The following DSCAM variants were observed in gnomAD, a reference collection of about 807,000 sequenced individuals.
DSCAM encodes DS cell adhesion molecule, also known as cell adhesion molecule DSCAM.
Under a neutral mutation model 217.7 loss-of-function variants are expected in DSCAM, and 47 were observed. The observed-to-expected ratio is 0.22, with a 90% CI of 0.17 to 0.28. DSCAM has a LOEUF of 0.28. Among genes scored for constraint, DSCAM ranks in the 10% least tolerant of loss-of-function variants. DSCAM has a pLI of 1.00. For missense variants in DSCAM, 2,080 were observed against 2,618.3 expected (o/e 0.79, Z 4.49); for synonymous variants, 1,056 against 1,015.3 (o/e 1.04, Z -0.76).
At chr21:40,695,185 G>A (rs2090582899) in intron 2 of DSCAM, among the ~76,000 whole-genome samples, 1 of 152,144 alleles carries the variant, frequency 6.6e-6, no homozygotes, top group African/African-American at 2.4e-5. Context: ...CAAGTTCCAT[G>A]TATCAGACAG....
At chr21:40,625,541 C>T (rs2089588717) in intron 3 of DSCAM, among the ~76,000 whole-genome samples, 1 of 152,106 alleles carries the variant, frequency 6.6e-6, no homozygotes, top group Non-Finnish European at 1.5e-5. Context: ...AAGCCCTCAT[C>T]CTAAACTTGC....
intron 16 of DSCAM, among the ~76,000 whole-genome samples, chr21:40,155,627 C>T (rs909015257): frequency 9.2e-5 from 14 of 152,022 alleles, no homozygotes; most frequent in African/African-American, 2.7e-4. Flanking sequence ...GAAAAATGCT[C>T]GGAAGTAGTT....
Position 40,702,322 on chromosome 21 carries a change from A to G in DSCAM, c.361+6132T>C, listed in dbSNP as rs889485282. Among the ~76,000 whole-genome samples, 9 of 152,198 alleles carry G rather than the reference A, an allele frequency of 5.9e-5. 1 individual carries two copies. The highest frequency in any genetic ancestry group is 4.6e-4 in the Admixed American group (7 of 15,286). On this transcript the variant is annotated intron_variant, in intron 2 of 32. Coordinates refer to ENST00000400454, the MANE Select transcript of DSCAM (RefSeq NM_001389.5). ...GAACTATGGACTTCAGTTAATAATAATGTATAAATACGAGCTTATTGTCAC... is the reference window on the plus strand; with the variant it reads ...GAACTATGGACTTCAGTTAATAATAGTGTATAAATACGAGCTTATTGTCAC...
At chr21:40,808,944 G>A (rs981784896) in intron 1 of DSCAM, among the ~76,000 whole-genome samples, 4 of 152,080 alleles carry the variant, frequency 2.6e-5, no homozygotes, top group Non-Finnish European at 4.4e-5. Flanking sequence ...CTTAACCTGC[G>A]CCTAGCATCT....
intron 3 of DSCAM, among the ~76,000 whole-genome samples, chr21:40,498,758 GGTGTATATATATATATGGGT>G (rs1568855212): frequency 1.3e-3 from 13 of 9,772 alleles, no homozygotes; most frequent in African/African-American, 4.6e-3. Context: ...TATATATATG[GGTGTATATATATATATGGGT>G]GTGTATATAT....
intron 3 of DSCAM, among the ~76,000 whole-genome samples, chr21:40,460,734 G>A (rs1010606161): frequency 1.3e-5 from 2 of 152,070 alleles, no homozygotes; most frequent in African/African-American, 4.8e-5. Flanking sequence ...TCAAAAGAGA[G>A]ATGCAAATAA....
chr21:40,012,965 T>TA lies in DSCAM; in HGVS notation c.*68dup, dbSNP rs1043986664. 788 of 1,157,094 alleles carry TA rather than the reference T, an allele frequency of 6.8e-4. No individual in the cohort carries two copies. Among genetic ancestry groups the TA allele is most frequent in the Non-Finnish European group, 7.9e-4 (695 of 883,272 alleles). The allele number at this position is 1,157,094 out of a possible 1,614,324, so 71.7% of individuals were successfully genotyped here. A position where few individuals can be genotyped will look rare whatever the true frequency, so the allele number is the denominator to read the frequency against. The stretch of plus-strand genomic sequence containing the variant: ...TTTAATTATAAATATTGGAATTCCG[T>TA]AAAAAAAAGGTAGCTTTGATTGAAT... On this transcript the variant is annotated 3_prime_UTR_variant, in exon 33 of 33. Coordinates refer to ENST00000400454, the MANE Select transcript of DSCAM (RefSeq NM_001389.5).
chr21:40,811,469 T>G (rs1230116795), intron 1 of DSCAM, among the ~76,000 whole-genome samples: 1 of 152,230 alleles, frequency 6.6e-6, no homozygotes, highest in African/African-American at 2.4e-5. Context: ...TTCATCAACA[T>G]GAATTCTGGA....
Position 40,064,600 on chromosome 21 carries a change from G to T in DSCAM, c.4889-1701C>A, listed in dbSNP as rs1438431855. Among the ~76,000 whole-genome samples the T allele has an allele frequency of 1.3e-5, 2 of 152,110 alleles. 1 individual carries two copies. The highest frequency in any genetic ancestry group is 6.3e-3 in the Middle Eastern group (2 of 316). ...TCTAGATGCCAAGGGTTGACCGTTT[G>T]GGTCAACCCTTCCCTAAACCTAACA... On this transcript the variant is annotated intron_variant, in intron 27 of 32. Transcript: ENST00000400454.
chr21:40,055,708 C>T lies in DSCAM; in HGVS notation c.5035+17G>A. On this transcript the variant is annotated intron_variant, in intron 29 of 32. Coordinates refer to ENST00000400454, the MANE Select transcript of DSCAM (RefSeq NM_001389.5). ...GTGGCAGCCACTTTGTGTAAAGTGGCAAATAGGGCAGCTTACCAATGGTCT... is the reference window on the plus strand; with the variant it reads ...GTGGCAGCCACTTTGTGTAAAGTGGTAAATAGGGCAGCTTACCAATGGTCT... 2 of 1,597,222 alleles carry T rather than the reference C, an allele frequency of 1.3e-6. No individual in the cohort carries two copies. Among genetic ancestry groups the T allele is most frequent in the East Asian group, 4.5e-5 (2 of 44,562 alleles).
Position 40,650,052 on chromosome 21 carries a change from G to C in DSCAM, c.508+42758C>G, listed in dbSNP as rs547556579. ...CGACAACAAAGCTTATTGCAGGGGT[G>C]AAGGAGCAGGGGAGAAGTGAGCAAT... is the stretch of plus-strand genomic sequence containing the variant. On this transcript the variant is annotated intron_variant, in intron 3 of 32. Coordinates refer to ENST00000400454, the MANE Select transcript of DSCAM (RefSeq NM_001389.5). Among the ~76,000 whole-genome samples the C allele has an allele frequency of 3.3e-5, 5 of 152,330 alleles. 1 individual carries two copies. The South Asian group carries it at 1.0e-3, about 32-fold the overall frequency.
rs547700049 is a variant in DSCAM, at chr21:40,391,799, G to T, written c.509-22554C>A. On this transcript the variant is annotated intron_variant, in intron 3 of 32. Transcript: ENST00000400454. Reference sequence around the variant, plus strand: ...TTCTCGTTGCAAAAATTAGAAGATTGCTAACTACAAAAATCTCATTTTGAG... The same window carrying T: ...TTCTCGTTGCAAAAATTAGAAGATTTCTAACTACAAAAATCTCATTTTGAG... 9.8e-5 allele frequency among the ~76,000 whole-genome samples: 15 copies of T among 152,322 alleles called. No individual in the cohort carries two copies. The East Asian group carries it at 2.9e-3, about 29-fold the overall frequency.
intron 4 of DSCAM, 125 bp downstream of exon 4, chr21:40,368,974 A>G (rs2074864063): frequency 4.5e-6 from 5 of 1,114,888 alleles, no homozygotes; most frequent in Non-Finnish European, 4.8e-6. Flanking sequence ...AATTCCTAAA[A>G]TATTTTGGAA....
At chr21:40,345,635 C>T (rs1330484220) in intron 6 of DSCAM, among the ~76,000 whole-genome samples, 2 of 152,072 alleles carry the variant, frequency 1.3e-5, no homozygotes, top group Non-Finnish European at 2.9e-5. Flanking sequence ...ATCCTCAGTC[C>T]TAGTTCACAG....
At chr21:40,621,348 CACAT>C (rs1383380900) in intron 3 of DSCAM, 1 of 152,166 alleles carries the variant, frequency 6.6e-6, no homozygotes, top group Non-Finnish European at 1.5e-5. Context: ...AACTCCTCTC[CACAT>C]TGTGTCTTTG....
intron 3 of DSCAM, among the ~76,000 whole-genome samples, chr21:40,484,625 G>A (rs1157369702): frequency 2.4e-5 from 2 of 82,700 alleles, no homozygotes; most frequent in African/African-American, 6.8e-5. Flanking sequence ...ATGTTCATGG[G>A]TGGTTTTTTT....
At chr21:40,036,185 T>C (rs1266212681) in intron 32 of DSCAM, among the ~76,000 whole-genome samples, 3 of 144,600 alleles carry the variant, frequency 2.1e-5, no homozygotes, top group East Asian at 2.0e-4. Flanking sequence ...CTGAAGGAAA[T>C]AGAGACACAA....
At chr21:40,743,969 A>G (rs2091149749) in intron 1 of DSCAM, among the ~76,000 whole-genome samples, 1 of 152,232 alleles carries the variant, frequency 6.6e-6, no homozygotes, top group African/African-American at 2.4e-5. Context: ...GAATACCACC[A>G]TGAATTCACC....
intron 15 of DSCAM, among the ~76,000 whole-genome samples, chr21:40,175,805 A>ACACACACACACACG (rs879840957): frequency 4.4e-5 from 5 of 112,534 alleles, no homozygotes; most frequent in East Asian, 2.4e-4. Context: ...ACACACACAC[A>ACACACACACACACG]CACGCACACA....
Sources: gnomAD v4.1 joint callset for allele counts (sites outside exome capture counted in the v4.1 genomes callset) on GRCh38, gnomAD v4.1.1 for gene constraint, MANE v1.5 for transcripts, NCBI Gene and HGNC (gene_info 2026-07-23, HGNC 2026-07-21) for gene names.